SLC7A14: variants seen among roughly 807,000 people sequenced by gnomAD.
SLC7A14 encodes the protein gamma-aminobutyric acid transporter SLC7A14.
In SLC7A14, 37 loss-of-function variants were observed where a neutral mutation model predicts 60.2. That is an observed-to-expected ratio of 0.61 (90% CI 0.47 to 0.81). The LOEUF (loss-of-function observed/expected upper bound fraction) is 0.81, where lower values mean the gene tolerates loss of function less well. Ranked by LOEUF, SLC7A14 falls within the 30% of genes least tolerant of loss-of-function variation. SLC7A14 has a pLI of 0.00. For synonymous variants in SLC7A14, 399 were observed against 395.8 expected (o/e 1.01, Z -0.10); for missense variants, 886 against 982.7 (o/e 0.90, Z 1.32).
chr3:170,494,779 T>C (rs1712328223), intron 4 of SLC7A14, among the ~76,000 whole-genome samples: 1 of 152,244 alleles, frequency 6.6e-6, no homozygotes, highest in South Asian at 2.1e-4. Context: ...TTCTATCTCT[T>C]AATGTTCCTC....
At chr3:170,500,343 G>A (rs1420288252) in intron 3 of SLC7A14, among the ~76,000 whole-genome samples, 1 of 151,196 alleles carries the variant, frequency 6.6e-6, no homozygotes, top group Non-Finnish European at 1.5e-5. Flanking sequence ...GGAGGCTGAG[G>A]CAGGAGAATT....
At chr3:170,492,420 A>G (rs369884259) in intron 4 of SLC7A14, among the ~76,000 whole-genome samples, 2 of 152,154 alleles carry the variant, frequency 1.3e-5, no homozygotes, top group East Asian at 3.8e-4. Context: ...TGGGAAGATT[A>G]CTTGAGCCTG....
Position 170,563,420 on chromosome 3 carries a change from T to TG in SLC7A14, c.-153+22490_-153+22491insC, listed in dbSNP as rs201398643. Among the ~76,000 whole-genome samples, 33 of 58,058 alleles carry TG rather than the reference T, an allele frequency of 5.7e-4. 1 individual carries two copies. The highest frequency in any genetic ancestry group is 3.0e-3 in the African/African-American group (28 of 9,402). 38.1% of individuals were successfully genotyped at this position (58,058 alleles called of 152,430 possible). A position where few individuals can be genotyped will look rare whatever the true frequency, so the allele number is the denominator to read the frequency against. ...AACAAACACTGTTTGTTTGTTTGTTTTTTTTTTTTTTTTTTGAGATGGAGT... is the reference window on the plus strand; with the variant it reads ...AACAAACACTGTTTGTTTGTTTGTTTGTTTTTTTTTTTTTTTGAGATGGAGT... On this transcript the variant is annotated intron_variant, in intron 1 of 7. Coordinates refer to ENST00000231706, the MANE Select transcript of SLC7A14 (RefSeq NM_020949.3).
chr3:170,508,853 T>C (rs1275723323), intron 2 of SLC7A14, among the ~76,000 whole-genome samples: 1 of 152,130 alleles, frequency 6.6e-6, no homozygotes, highest in African/African-American at 2.4e-5. Flanking sequence ...AAATGAAGTG[T>C]GAATTCTCTC....
At chr3:170,544,139 C>T (rs940295984) in intron 1 of SLC7A14, among the ~76,000 whole-genome samples, 4 of 152,148 alleles carry the variant, frequency 2.6e-5, no homozygotes, top group African/African-American at 9.6e-5. Context: ...TTTGTATTGC[C>T]TGTCATAGGT....
chr3:170,507,886 C>T (rs1009876805), intron 2 of SLC7A14, among the ~76,000 whole-genome samples: 1 of 152,296 alleles, frequency 6.6e-6, no homozygotes, highest in African/African-American at 2.4e-5. Flanking sequence ...CCCCAAAGCC[C>T]CTCACCCTCC....
chr3:170,470,308 A>ATGTGTATGTGTGTGTGTG (rs1553864053), intron 7 of SLC7A14, among the ~76,000 whole-genome samples: 1 of 143,594 alleles, frequency 7.0e-6, no homozygotes, highest in Non-Finnish European at 1.5e-5. Flanking sequence ...TGGAAGGAAC[A>ATGTGTATGTGTGTGTGTG]TGTGTGTGTG....
chr3:170,467,088 A>C lies in SLC7A14; in HGVS notation c.2283T>G (p.Ile761Met), dbSNP rs937648405. The C allele has an allele frequency of 3.7e-6, 6 of 1,613,168 alleles. No individual in the cohort carries two copies. The African/African-American group carries it at 5.3e-5, about 14-fold the overall frequency. The change falls in exon 8 of 8, where the codon ATT (isoleucine) becomes ATG (methionine). Residue 761 changes from isoleucine to methionine, a missense_variant. Transcript: ENST00000231706. Reference sequence around the variant, plus strand: ...GAGAGTAATCTAACTCATCATTTGCAATCAGGGCCTCTGAGTTCTGTTTGT... The same window carrying C: ...GAGAGTAATCTAACTCATCATTTGCCATCAGGGCCTCTGAGTTCTGTTTGT... ...SKHKQNSEALIANDELDYSPE is the reference protein window; with the variant it reads ...SKHKQNSEALMANDELDYSPE
rs748750253 is a variant in SLC7A14 at position 170,501,223 on chromosome 3, A to G, written c.427T>C (p.Tyr143His). The G allele has an allele frequency of 1.9e-6, 3 of 1,614,100 alleles. No individual in the cohort carries two copies. Among genetic ancestry groups the G allele is most frequent in the Non-Finnish European group, 2.5e-6 (3 of 1,180,014 alleles). The change falls in exon 3 of 8, where the codon TAC (tyrosine) becomes CAC (histidine). Residue 143 changes from tyrosine (Y) to histidine (H), a missense_variant. Tyr to His is a moderately conservative substitution (Grantham distance 83). Coordinates refer to ENST00000231706, the MANE Select transcript of SLC7A14 (RefSeq NM_020949.3). The stretch of plus-strand genomic sequence containing the variant: ...GCTCCGGCCGCAGTGCCAATCAGGT[A>G]CTCCAGGATCAGGTTCCAGCCAATG... ...FFIGWNLILEYLIGTAAGASA... is the reference protein window; with the variant it reads ...FFIGWNLILEHLIGTAAGASA...
chr3:170,517,640 T>A (rs2108289372), intron 2 of SLC7A14, among the ~76,000 whole-genome samples: 1 of 152,276 alleles, frequency 6.6e-6, no homozygotes, highest in East Asian at 1.9e-4. Context: ...CCAAGATGAA[T>A]ACTGGAATGG....
chr3:170,509,687 G>A (rs991242562), intron 2 of SLC7A14, among the ~76,000 whole-genome samples: 2 of 151,164 alleles, frequency 1.3e-5, no homozygotes, highest in South Asian at 2.1e-4. Context: ...GTGCATGGTT[G>A]TAATCCCAGC....
At chr3:170,576,408 C>G (rs1375501101) in intron 1 of SLC7A14, among the ~76,000 whole-genome samples, 1 of 152,242 alleles carries the variant, frequency 6.6e-6, no homozygotes, top group Non-Finnish European at 1.5e-5. Flanking sequence ...TAGGCCAGCT[C>G]TCACATTATA....
At chr3:170,545,892 C>T (rs1234427946) in intron 1 of SLC7A14, among the ~76,000 whole-genome samples, 1 of 152,188 alleles carries the variant, frequency 6.6e-6, no homozygotes, top group Non-Finnish European at 1.5e-5. Flanking sequence ...GAGCACAGTG[C>T]CTTGTGGCCA....
At chr3:170,513,023 C>T (rs1025577565) in intron 2 of SLC7A14, among the ~76,000 whole-genome samples, 14 of 152,146 alleles carry the variant, frequency 9.2e-5, no homozygotes, top group African/African-American at 3.1e-4. Context: ...TTATGGGTTA[C>T]TGTTCTTCCG....
chr3:170,573,105 C>A (rs1230875589), intron 1 of SLC7A14, among the ~76,000 whole-genome samples: 1 of 152,160 alleles, frequency 6.6e-6, no homozygotes, highest in African/African-American at 2.4e-5. Flanking sequence ...AGGGTCCACA[C>A]ATGGAGATTA....
chr3:170,477,166 C>T (rs544186158), intron 7 of SLC7A14, among the ~76,000 whole-genome samples: 1 of 152,226 alleles, frequency 6.6e-6, no homozygotes, highest in East Asian at 1.9e-4. Flanking sequence ...TAGTAGGAGC[C>T]CCAGATTTGA....
intron 1 of SLC7A14, among the ~76,000 whole-genome samples, chr3:170,560,676 G>T (rs1157827695): frequency 6.6e-6 from 1 of 152,128 alleles, no homozygotes; most frequent in Admixed American, 6.5e-5. Flanking sequence ...CAAGGTTTTG[G>T]TTCATGGAAA....
chr3:170,538,151 G>A (rs1713906818), intron 1 of SLC7A14, among the ~76,000 whole-genome samples: 1 of 152,172 alleles, frequency 6.6e-6, no homozygotes, highest in South Asian at 2.1e-4. Flanking sequence ...TTAAGTGGAT[G>A]CATCTCTGTA....
intron 3 of SLC7A14, 72 bp from the exon 4 acceptor site, chr3:170,498,956 C>G: frequency 7.0e-7 from 1 of 1,436,426 alleles, no homozygotes; most frequent in Non-Finnish European, 9.7e-7. Context: ...GGTCCTACCC[C>G]ACTGCATCCG....
Sources: allele counts gnomAD v4.1 joint callset (sites outside exome capture counted in the v4.1 genomes callset), GRCh38; gene constraint gnomAD v4.1.1; transcripts MANE v1.5; gene names NCBI Gene and HGNC (gene_info 2026-07-23, HGNC 2026-07-21).